The following ZNF700 variants were observed in gnomAD, a reference collection of about 807,000 sequenced individuals.
ZNF700 encodes the protein zinc finger protein 700.
In ZNF700, 38 loss-of-function variants were observed where a neutral mutation model predicts 65.3. The observed-to-expected ratio is 0.58, with a 90% CI of 0.45 to 0.76. The LOEUF (loss-of-function observed/expected upper bound fraction) is 0.76, where lower values mean the gene tolerates loss of function less well. ZNF700 is among the 30% of genes least tolerant of loss of function. ZNF700 has a pLI of 0.00. For missense variants in ZNF700, 857 were observed against 888.4 expected, an observed-to-expected ratio of 0.96 and a Z score of 0.45; for synonymous variants, 285 against 290.4, an observed-to-expected ratio of 0.98 and a Z score of 0.19.
intron 1 of ZNF700, among the ~76,000 whole-genome samples, chr19:11,944,446 A>G (rs569521127): frequency 4.0e-4 from 61 of 152,250 alleles, no homozygotes; most frequent in African/African-American, 1.4e-3. Flanking sequence ...GGTAGGCAGC[A>G]TGCAGTATCC....
chr19:11,947,337 G>A, intron 2 of ZNF700, 30 bp downstream of exon 2: 1 of 1,612,612 alleles, frequency 6.2e-7, no homozygotes, highest in African/African-American at 1.3e-5. Flanking sequence ...TTCCGTCAGT[G>A]CATTAGCAAA....
At chr19:11,931,976 G>A (rs377757481) in intron 1 of ZNF700, among the ~76,000 whole-genome samples, 1 of 147,708 alleles carries the variant, frequency 6.8e-6, no homozygotes, top group African/African-American at 2.7e-5. Context: ...TTAGCCAGGC[G>A]TGGTGGCAGA....
intron 1 of ZNF700, among the ~76,000 whole-genome samples, chr19:11,933,683 C>T (rs1373466247): frequency 6.8e-6 from 1 of 147,558 alleles, no homozygotes; most frequent in African/African-American, 2.7e-5. Flanking sequence ...GAAGGTCTCT[C>T]GATACCTTTG....
chr19:11,935,751 C>T (rs1599283590), intron 1 of ZNF700, among the ~76,000 whole-genome samples: 1 of 152,202 alleles, frequency 6.6e-6, no homozygotes, highest in Non-Finnish European at 1.5e-5. Context: ...TACATGTGCA[C>T]AACGTGCAGG....
chr19:11,929,837 C>G (rs536805842), intron 1 of ZNF700, among the ~76,000 whole-genome samples: 2 of 148,446 alleles, frequency 1.3e-5, no homozygotes, highest in African/African-American at 5.2e-5. Flanking sequence ...AGAATAACCA[C>G]TAGACATTTG....
At chr19:11,947,649 AAAAC>A (rs1193867955) in intron 3 of ZNF700, 75 bp downstream of exon 3, 1 of 1,330,448 alleles carries the variant, frequency 7.5e-7, no homozygotes, top group African/African-American at 1.5e-5. Flanking sequence ...GAAGAGAAGT[AAAAC>A]AAAGAACTAA....
chr19:11,925,334 C>G, intron 1 of ZNF700, 61 bp downstream of exon 1: 1 of 1,597,362 alleles, frequency 6.3e-7, no homozygotes, highest in Non-Finnish European at 8.5e-7. Flanking sequence ...CAGGCGGGAA[C>G]CGGCTGTGGC....
At position 11,947,616 on chromosome 19, in the gene ZNF700, A is replaced by G. The variant is rs778139101; in HGVS notation, c.251+42A>G. The G allele has an allele frequency of 5.9e-6, 9 of 1,514,046 alleles. No individual in the cohort carries two copies. In the Admixed American group the frequency reaches 9.2e-5, roughly 15 times the overall value. 93.8% of individuals were successfully genotyped at this position (1,514,046 alleles called of 1,614,324 possible). On this transcript the variant is annotated intron_variant, in intron 3 of 3. Transcript: ENST00000254321. ...AGAGAAAGCAGTGTCTCTCTGCACA[A>G]TCTTAGAATATGAGAATATGTTGAA...
chr19:11,927,985 T>A (rs904063878), intron 1 of ZNF700, among the ~76,000 whole-genome samples: 1 of 151,942 alleles, frequency 6.6e-6, no homozygotes, highest in African/African-American at 2.4e-5. Context: ...AGAAGGCTGA[T>A]GTATGAGATA....
At chr19:11,933,887 C>T (rs1972751140) in intron 1 of ZNF700, among the ~76,000 whole-genome samples, 1 of 146,298 alleles carries the variant, frequency 6.8e-6, no homozygotes, top group Non-Finnish European at 1.5e-5. Context: ...TTGTTAGAGA[C>T]AGGGTCTCAA....
At chr19:11,942,526 G>A (rs1024286383) in intron 1 of ZNF700, among the ~76,000 whole-genome samples, 5 of 152,058 alleles carry the variant, frequency 3.3e-5, no homozygotes, top group Non-Finnish European at 5.9e-5. Context: ...GGCTTTATTC[G>A]GCCAGGAGCG....
chr19:11,928,516 A>C (rs890328153), intron 1 of ZNF700, among the ~76,000 whole-genome samples: 6 of 148,648 alleles, frequency 4.0e-5, no homozygotes, highest in African/African-American at 7.7e-5. Context: ...GCGGATCACG[A>C]GGTCAGGAGA....
At chr19:11,935,851 C>A (rs1387710681) in intron 1 of ZNF700, among the ~76,000 whole-genome samples, 1 of 152,188 alleles carries the variant, frequency 6.6e-6, no homozygotes, top group East Asian at 1.9e-4. Flanking sequence ...AGGCTATCCT[C>A]CTCCCAGCCC....
At position 11,929,254 on chromosome 19, in the gene ZNF700, C is replaced by T. The variant is rs8110115; in HGVS notation, c.63+3981C>T. On this transcript the variant is annotated intron_variant, in intron 1 of 3. Coordinates refer to ENST00000254321, the MANE Select transcript of ZNF700 (RefSeq NM_144566.3). ...TCTCAGCTCACTGCAGCCTCCGCCT[C>T]CTGGGTTCAAGTAATTCTCCTGCCT... 1.8e-3 allele frequency among the ~76,000 whole-genome samples: 271 copies of T among 148,596 alleles called. 37 individuals are homozygous for T. Among genetic ancestry groups the T allele is most frequent in the African/African-American group, 6.7e-3 (255 of 38,188 alleles).
intron 1 of ZNF700, 27 bp from the exon 2 acceptor site, chr19:11,947,154 T>C: frequency 6.2e-7 from 1 of 1,608,662 alleles, no homozygotes; most frequent in South Asian, 1.1e-5. Context: ...CTCACCCATC[T>C]TCCTCTACAC....
At chr19:11,940,320 C>T (rs890740173) in intron 1 of ZNF700, among the ~76,000 whole-genome samples, 9 of 152,142 alleles carry the variant, frequency 5.9e-5, no homozygotes, top group Admixed American at 2.0e-4. Flanking sequence ...AAAATGAAGC[C>T]GTGGACCCTT....
intron 1 of ZNF700, chr19:11,940,095 C>A (rs1213038357): frequency 6.6e-6 from 1 of 152,082 alleles, no homozygotes; most frequent in Non-Finnish European, 1.5e-5. Context: ...CCACACCTGG[C>A]TAATTTTGTA....
At position 11,949,306 on chromosome 19, in the gene ZNF700, A is replaced by G. The variant is rs201096786; in HGVS notation, c.1282A>G (p.Arg428Gly). The G allele has an allele frequency of 6.2e-7, 1 of 1,614,052 alleles. No homozygotes were observed. The stretch of plus-strand genomic sequence containing the variant: ...GTGTAAGCAGTGTGGGAAAGCCTTC[A>G]GATCTGCCTCACAGCTTCGAGTGCA... The part of the protein sequence containing the change: ...YECKQCGKAF[R>G]SASQLRVHGG... Residue 428 changes from arginine (R) to glycine (G), a missense_variant, in exon 4 of 4, where the codon AGA becomes GGA. Arg to Gly is a moderately radical substitution (Grantham distance 125, BLOSUM62 -2). Around this residue, in one of 3 missense-constraint regions of ZNF700, gnomAD observed 603 missense variants for 619.9 expected, o/e 0.97. Transcript: ENST00000254321.
At chr19:11,944,963 C>G (rs1972938180) in intron 1 of ZNF700, among the ~76,000 whole-genome samples, 1 of 152,232 alleles carries the variant, frequency 6.6e-6, no homozygotes, top group Admixed American at 6.5e-5. Context: ...CCACATCCAT[C>G]CTTCTTCCAT....
Sources: gnomAD v4.1 joint callset for allele counts (sites outside exome capture counted in the v4.1 genomes callset) on GRCh38, gnomAD v4.1.1 for gene constraint, gnomAD v4.1.1 regional missense constraint, MANE v1.5 for transcripts, NCBI Gene and HGNC (gene_info 2026-07-23, HGNC 2026-07-21) for gene names.